The following TIAM1 variants were observed in gnomAD, a reference collection of about 807,000 sequenced individuals.
The protein encoded by TIAM1 is TIAM Rac1 associated GEF 1, also known as rho guanine nucleotide exchange factor TIAM1.
A neutral mutation model predicts 163.5 loss-of-function variants in TIAM1; 65 were observed. The observed-to-expected ratio is 0.40, with a 90% confidence interval of 0.33 to 0.49. TIAM1 has a LOEUF of 0.49. Ranked by LOEUF, TIAM1 falls within the 20% of genes least tolerant of loss-of-function variation. The probability of loss-of-function intolerance (pLI) is 0.77; values close to 1 mark genes in which losing one functional copy is unlikely to be tolerated. For synonymous variants in TIAM1, 833 were observed against 810.1 expected (o/e 1.03, Z -0.48); for missense variants, 1,789 against 2,044.7 (o/e 0.87, Z 2.41).
At chr21:31,376,587 A>G (rs1360532435) in intron 2 of TIAM1, among the ~76,000 whole-genome samples, 1 of 152,208 alleles carries the variant, frequency 6.6e-6, no homozygotes, top group Non-Finnish European at 1.5e-5. Context: ...ACACACGCAC[A>G]GCAGAGGGAG....
At chr21:31,192,970 C>T (rs753634651) in intron 13 of TIAM1, among the ~76,000 whole-genome samples, 3 of 152,122 alleles carry the variant, frequency 2.0e-5, no homozygotes, top group African/African-American at 7.2e-5. Flanking sequence ...TTCGAGCCAC[C>T]GGGCTTTGGT....
At chr21:31,226,069 A>C (rs1280273116) in intron 6 of TIAM1, 119 bp from the exon 7 acceptor site, 1 of 786,716 alleles carries the variant, frequency 1.3e-6, no homozygotes, top group East Asian at 2.7e-5. Context: ...CTAGACACCC[A>C]TGGATAAGAA....
intron 15 of TIAM1, among the ~76,000 whole-genome samples, chr21:31,166,579 T>C (rs1466037461): frequency 1.3e-5 from 2 of 152,228 alleles, no homozygotes; most frequent in African/African-American, 4.8e-5. Flanking sequence ...CTGAATGGCT[T>C]AGAGGTTTCT....
intron 1 of TIAM1, among the ~76,000 whole-genome samples, chr21:31,491,766 T>C (rs906061796): frequency 6.6e-6 from 1 of 152,248 alleles, no homozygotes; most frequent in African/African-American, 2.4e-5. Flanking sequence ...TAAAACTGAT[T>C]GATGAATCTA....
chr21:31,314,462 A>G (rs953418393), intron 2 of TIAM1, among the ~76,000 whole-genome samples: 2 of 152,198 alleles, frequency 1.3e-5, no homozygotes, highest in African/African-American at 4.8e-5. Flanking sequence ...AAGAAAGCAA[A>G]TATTTCTTTA....
At chr21:31,392,545 G>C (rs1569291443) in intron 2 of TIAM1, among the ~76,000 whole-genome samples, 1 of 145,252 alleles carries the variant, frequency 6.9e-6, no homozygotes, top group Non-Finnish European at 1.5e-5. Context: ...ACTCCAGCCT[G>C]GGCAACAAGA....
At chr21:31,365,452 G>A (rs550059753) in intron 2 of TIAM1, among the ~76,000 whole-genome samples, 1 of 146,130 alleles carries the variant, frequency 6.8e-6, no homozygotes, top group South Asian at 2.2e-4. Flanking sequence ...GCAGGGGCAT[G>A]ATCTCGGCTC....
chr21:31,249,723 A>C (rs905789260), intron 5 of TIAM1, among the ~76,000 whole-genome samples: 15 of 152,152 alleles, frequency 9.9e-5, no homozygotes, highest in African/African-American at 3.1e-4. Context: ...CAGGCCCCTC[A>C]GACATAACCC....
chr21:31,301,320 C>G (rs1449283073), intron 2 of TIAM1, among the ~76,000 whole-genome samples: 4 of 152,142 alleles, frequency 2.6e-5, no homozygotes, highest in African/African-American at 9.7e-5. Flanking sequence ...ACAATAAAAA[C>G]CCTGGGTTCA....
At chr21:31,361,824 T>C (rs2076410014) in intron 2 of TIAM1, among the ~76,000 whole-genome samples, 1 of 142,120 alleles carries the variant, frequency 7.0e-6, no homozygotes, top group African/African-American at 2.7e-5. Context: ...TAGATTCCTT[T>C]GAGGAAGAAA....
chr21:31,292,660 G>A (rs536508274), intron 2 of TIAM1, among the ~76,000 whole-genome samples: 17 of 145,564 alleles, frequency 1.2e-4, no homozygotes, highest in Admixed American at 3.4e-4. Context: ...ATGAGCCACC[G>A]TGCCTGGCAC....
chr21:31,320,759 C>T (rs1289701333), intron 2 of TIAM1, among the ~76,000 whole-genome samples: 1 of 152,106 alleles, frequency 6.6e-6, no homozygotes, highest in Admixed American at 6.6e-5. Context: ...TTTGGGAGGC[C>T]GAAGCAGGCG....
rs547686526 is a variant in TIAM1 at position 31,296,223 on chromosome 21, T to C, written c.-188-19315A>G. On this transcript the variant is annotated intron_variant, in intron 2 of 27. Transcript: ENST00000541036. ...TTGGGAAAGGAAACATTTCTATTTC[T>C]GGGGGTAATAAGGAGTATTTGGATA... Among the ~76,000 whole-genome samples the C allele has an allele frequency of 8.5e-5, 13 of 152,344 alleles. No individual in the cohort carries two copies. In the South Asian group the frequency reaches 2.7e-3, roughly 32 times the overall value.
intron 20 of TIAM1, among the ~76,000 whole-genome samples, chr21:31,146,236 C>T (rs904422497): frequency 6.6e-6 from 1 of 152,004 alleles, no homozygotes; most frequent in Non-Finnish European, 1.5e-5. Flanking sequence ...AATTCAAGAC[C>T]AGCCTGGCCA....
At chr21:31,471,289 G>T (rs550813510) in intron 1 of TIAM1, among the ~76,000 whole-genome samples, 1 of 152,332 alleles carries the variant, frequency 6.6e-6, no homozygotes, top group Non-Finnish European at 1.5e-5. Flanking sequence ...CTCAGGAGCT[G>T]TGTGGGGAGG....
At chr21:31,343,800 C>T (rs1239192095) in intron 1 of TIAM1, among the ~76,000 whole-genome samples, 1 of 152,192 alleles carries the variant, frequency 6.6e-6, no homozygotes, top group Non-Finnish European at 1.5e-5. Context: ...TCCTCCCCGA[C>T]CCCATATCCC....
intron 2 of TIAM1, among the ~76,000 whole-genome samples, chr21:31,381,911 T>C (rs1602141338): frequency 6.6e-6 from 1 of 152,176 alleles, no homozygotes; most frequent in African/African-American, 2.4e-5. Flanking sequence ...AGAGAGGCTG[T>C]CTTCAAACCA....
intron 3 of TIAM1, among the ~76,000 whole-genome samples, chr21:31,269,508 A>G (rs1158891649): frequency 1.3e-5 from 2 of 152,190 alleles, no homozygotes. Flanking sequence ...AGAGGTTAAT[A>G]AGAACGATGA....
intron 5 of TIAM1, among the ~76,000 whole-genome samples, 190 bp downstream of exon 5, chr21:31,251,552 C>T (rs562582860): frequency 9.9e-5 from 15 of 152,136 alleles, no homozygotes; most frequent in Non-Finnish European, 1.9e-4. Flanking sequence ...TGCCATATTG[C>T]ACATTTTAAA....
Sources: gnomAD v4.1 joint callset for allele counts (sites outside exome capture counted in the v4.1 genomes callset) on GRCh38, gnomAD v4.1.1 for gene constraint, MANE v1.5 for transcripts, NCBI Gene and HGNC (gene_info 2026-07-23, HGNC 2026-07-21) for gene names.